Variants in TTLL11 observed in about 807,000 individuals in gnomAD.
The protein encoded by TTLL11 is tubulin tyrosine ligase like 11.
In TTLL11, 42 loss-of-function variants were observed where a neutral mutation model predicts 51.7. That is an observed-to-expected ratio of 0.81 (90% CI 0.64 to 1.05). The LOEUF (loss-of-function observed/expected upper bound fraction) is 1.05. TTLL11 is among the 50% of genes least tolerant of loss of function. TTLL11 has a pLI of 0.00. For synonymous variants in TTLL11, 381 were observed against 383.5 expected (o/e 0.99, Z 0.08); for missense variants, 799 against 940.4 (o/e 0.85, Z 1.97).
intron 1 of TTLL11, among the ~76,000 whole-genome samples, chr9:122,071,367 C>A (rs1024580752): frequency 6.6e-6 from 1 of 152,200 alleles, no homozygotes. Flanking sequence ...AATCTCTCCC[C>A]GCTGCTTTGG....
At chr9:121,977,877 C>G (rs1438763444) in intron 4 of TTLL11, among the ~76,000 whole-genome samples, 1 of 151,882 alleles carries the variant, frequency 6.6e-6, no homozygotes, top group Non-Finnish European at 1.5e-5. Context: ...GTTTCACCAT[C>G]TTGGCCAGGC....
At chr9:121,826,251 G>T (rs1258355721) in intron 8 of TTLL11, among the ~76,000 whole-genome samples, 14 of 64,138 alleles carry the variant, frequency 2.2e-4, no homozygotes, top group East Asian at 4.4e-4. Context: ...CATATATATG[G>T]GTTATATATA....
chr9:122,083,512 G>C (rs752095115), intron 1 of TTLL11, among the ~76,000 whole-genome samples: 1 of 152,034 alleles, frequency 6.6e-6, no homozygotes, highest in Non-Finnish European at 1.5e-5. Context: ...ATATGTACAA[G>C]AATAAGAAAA....
chr9:121,889,683 C>T (rs536276758), intron 6 of TTLL11, among the ~76,000 whole-genome samples: 6 of 152,236 alleles, frequency 3.9e-5, no homozygotes, highest in Non-Finnish European at 7.4e-5. Flanking sequence ...GGGTGGATCA[C>T]GAGGTCAGGA....
At chr9:122,024,082 T>G (rs1176831454) in intron 3 of TTLL11, among the ~76,000 whole-genome samples, 1 of 152,138 alleles carries the variant, frequency 6.6e-6, no homozygotes, top group East Asian at 1.9e-4. Flanking sequence ...CTACTAGAAC[T>G]GTTAAATAAG....
At chr9:122,080,461 A>T (rs958238704) in intron 1 of TTLL11, among the ~76,000 whole-genome samples, 4 of 152,116 alleles carry the variant, frequency 2.6e-5, no homozygotes, top group African/African-American at 9.7e-5. Context: ...AAGCCAGAGG[A>T]TCGTTGAGGC....
At chr9:121,936,882 C>T (rs982041661) in intron 6 of TTLL11, among the ~76,000 whole-genome samples, 1 of 152,210 alleles carries the variant, frequency 6.6e-6, no homozygotes, top group Admixed American at 6.5e-5. Context: ...CACCTAAACA[C>T]TGTCGTTAAA....
chr9:121,942,473 C>T (rs927432549), intron 6 of TTLL11, among the ~76,000 whole-genome samples: 14 of 152,186 alleles, frequency 9.2e-5, no homozygotes, highest in African/African-American at 2.2e-4. Flanking sequence ...GGGGACCTCG[C>T]GATGAGCATC....
chr9:121,888,138 G>A (rs1242707484), intron 6 of TTLL11, among the ~76,000 whole-genome samples: 1 of 152,178 alleles, frequency 6.6e-6, no homozygotes, highest in Non-Finnish European at 1.5e-5. Context: ...GGATGCCATA[G>A]GGTTAAGCCC....
At chr9:122,074,441 T>A (rs1373057437) in intron 1 of TTLL11, among the ~76,000 whole-genome samples, 1 of 152,232 alleles carries the variant, frequency 6.6e-6, no homozygotes, top group Non-Finnish European at 1.5e-5. Flanking sequence ...AAGGTACTTG[T>A]TGATTTAAAC....
chr9:122,027,857 TA>T (rs1233866443), intron 3 of TTLL11, among the ~76,000 whole-genome samples: 1 of 152,128 alleles, frequency 6.6e-6, no homozygotes, highest in East Asian at 1.9e-4. Context: ...CATGAGTGAG[TA>T]TAAAAGACAA....
intron 6 of TTLL11, among the ~76,000 whole-genome samples, chr9:121,921,175 C>T (rs1014573639): frequency 2.0e-5 from 3 of 152,280 alleles, no homozygotes; most frequent in African/African-American, 4.8e-5. Flanking sequence ...AAAAGACGTC[C>T]GTCAGATCAC....
At chr9:121,894,878 T>A (rs142692645) in intron 6 of TTLL11, among the ~76,000 whole-genome samples, 1 of 152,216 alleles carries the variant, frequency 6.6e-6, no homozygotes, top group East Asian at 1.9e-4. Context: ...TGCACGTGTA[T>A]CCCAGAACTT....
intron 8 of TTLL11, among the ~76,000 whole-genome samples, chr9:121,832,713 G>T (rs561266775): frequency 1.3e-5 from 2 of 152,280 alleles, no homozygotes; most frequent in Admixed American, 1.3e-4. Flanking sequence ...GCCAAAGTGG[G>T]TGGATCACCT....
At position 122,031,955 on chromosome 9, in the gene TTLL11, C is replaced by A. The variant is rs1844565095; in HGVS notation, c.560-99G>T. ...TTTAAAACCACCCACCCGACATATT[C>A]TCTTTTTCAGGCAGGATTTTTAAAA... On this transcript the variant is annotated intron_variant, in intron 2 of 8. Transcript: ENST00000321582. The A allele has an allele frequency of 1.3e-5, 19 of 1,471,540 alleles. No homozygotes were observed. The South Asian group carries it at 2.8e-4, about 21-fold the overall frequency. 91.2% of individuals were successfully genotyped at this position (1,471,540 alleles called of 1,614,324 possible).
In TTLL11 at chr9:121,961,342, A is replaced by G. The variant is rs184202283; in HGVS notation, c.1481+12667T>C. 6.6e-5 allele frequency among the ~76,000 whole-genome samples: 10 copies of G among 152,312 alleles called. No individual in the cohort carries two copies. The East Asian group carries it at 1.7e-3, about 26-fold the overall frequency. ...AAATACTTTCTTAGGAATAAGCAACATATTCCTTCTCTCCAAATTAAGAAC... is the reference window on the plus strand; with the variant it reads ...AAATACTTTCTTAGGAATAAGCAACGTATTCCTTCTCTCCAAATTAAGAAC... On this transcript the variant is annotated intron_variant, in intron 6 of 8. Coordinates refer to ENST00000321582, the MANE Select transcript of TTLL11 (RefSeq NM_001139442.2).
At chr9:121,840,027 C>T (rs10760192) in intron 8 of TTLL11, among the ~76,000 whole-genome samples, 77,082 of 152,044 alleles carry the variant, frequency 0.51, 20,759 homozygotes, top group East Asian at 0.74. Flanking sequence ...CTCTTTTATG[C>T]GGGAGTTTAT....
intron 3 of TTLL11, among the ~76,000 whole-genome samples, chr9:122,029,928 C>T (rs1844477910): frequency 6.6e-6 from 1 of 152,070 alleles, no homozygotes. Flanking sequence ...ACAAAAAAGA[C>T]TTACCAATAT....
At chr9:121,836,615 C>A (rs1837185639) in intron 8 of TTLL11, among the ~76,000 whole-genome samples, 1 of 152,234 alleles carries the variant, frequency 6.6e-6, no homozygotes, top group African/African-American at 2.4e-5. Flanking sequence ...AGGCAGTAAC[C>A]ATGACCACTC....
Sources: allele counts gnomAD v4.1 joint callset (sites outside exome capture counted in the v4.1 genomes callset), GRCh38; gene constraint gnomAD v4.1.1; transcripts MANE v1.5; gene names NCBI Gene and HGNC (gene_info 2026-07-23, HGNC 2026-07-21).